RPSA2: variants seen among roughly 807,000 people sequenced by gnomAD.
RPSA2 encodes ribosomal protein SA 2.
At chr19:23,825,055 T>C in the RPSA2 span, among the ~76,000 whole-genome samples, 1 of 151,876 alleles carries the variant, frequency 6.6e-6, no homozygotes. Flanking sequence ...TCTCAGCTCA[T>C]GGCAAACTCT....
At chr19:23,789,042 C>T in the RPSA2 span, among the ~76,000 whole-genome samples, 5 of 22,004 alleles carry the variant, frequency 2.3e-4, no homozygotes, top group African/African-American at 3.8e-4. Context: ...TTTTTGACAG[C>T]CAGGTTGGAG....
chr19:23,847,442 G>T, the RPSA2 span, among the ~76,000 whole-genome samples: 103 of 152,216 alleles, frequency 6.8e-4, no homozygotes, highest in Non-Finnish European at 1.1e-3. Context: ...GGCTGCCGGG[G>T]GTGACATCAC....
chr19:23,870,890 G>A, the RPSA2 span, among the ~76,000 whole-genome samples: 2 of 152,186 alleles, frequency 1.3e-5, no homozygotes, highest in Admixed American at 1.3e-4. Context: ...CATGAATGCA[G>A]AATGTGGGCA....
chr19:23,860,957 T>G, the RPSA2 span, among the ~76,000 whole-genome samples: 1 of 152,076 alleles, frequency 6.6e-6, no homozygotes, highest in Non-Finnish European at 1.5e-5. Context: ...TCAAACACAC[T>G]CAAAGGAGAC....
the RPSA2 span, among the ~76,000 whole-genome samples, chr19:23,863,138 G>C: frequency 8.7e-3 from 1,325 of 152,268 alleles, 15 homozygotes; most frequent in Non-Finnish European, 0.014. Context: ...AGGTAGAAGA[G>C]AAATAGAAAC....
At chr19:23,848,242 T>C in the RPSA2 span, among the ~76,000 whole-genome samples, 1 of 152,328 alleles carries the variant, frequency 6.6e-6, no homozygotes, top group East Asian at 1.9e-4. Context: ...CTGCCGTGGC[T>C]CCAGCCGGTC....
chr19:23,858,132 C>G, the RPSA2 span, among the ~76,000 whole-genome samples: 1 of 150,428 alleles, frequency 6.6e-6, no homozygotes, highest in Non-Finnish European at 1.5e-5. Context: ...ACATGTTTTA[C>G]TGGTTTAGGA....
chr19:23,833,643 G>T, the RPSA2 span, among the ~76,000 whole-genome samples: 1 of 151,956 alleles, frequency 6.6e-6, no homozygotes, highest in Non-Finnish European at 1.5e-5. Context: ...GAACAAATGT[G>T]CAAATATAAA....
chr19:23,789,220 C>T, the RPSA2 span, among the ~76,000 whole-genome samples: 7 of 151,930 alleles, frequency 4.6e-5, no homozygotes, highest in Non-Finnish European at 7.4e-5. Flanking sequence ...AGTGTGGTCT[C>T]GAACTCCTGA....
the RPSA2 span, among the ~76,000 whole-genome samples, chr19:23,851,905 G>A: frequency 5.0e-4 from 76 of 152,312 alleles, no homozygotes; most frequent in Non-Finnish European, 9.3e-4. Context: ...ATGTTGAGAA[G>A]CGGCCTGAAC....
chr19:23,791,853 C>T, the RPSA2 span, among the ~76,000 whole-genome samples: 2 of 151,512 alleles, frequency 1.3e-5, no homozygotes, highest in Non-Finnish European at 2.9e-5. Context: ...AATTATCCTG[C>T]CTCAGTCTCC....
the RPSA2 span, among the ~76,000 whole-genome samples, chr19:23,859,735 T>C: frequency 6.6e-6 from 1 of 152,232 alleles, no homozygotes; most frequent in African/African-American, 2.4e-5. Context: ...ATTACAGTAA[T>C]CGTTTGTCCA....
At chr19:23,797,697 T>C in the RPSA2 span, among the ~76,000 whole-genome samples, 2 of 152,188 alleles carry the variant, frequency 1.3e-5, no homozygotes, top group Non-Finnish European at 2.9e-5. Flanking sequence ...TCTCCCACTA[T>C]TGTTGTGTCA....
At chr19:23,808,878 C>T in the RPSA2 span, 3 of 425,126 alleles carry the variant, frequency 7.1e-6, no homozygotes, top group Non-Finnish European at 1.3e-5. Context: ...GAAAGCAAGT[C>T]TTTAAAGTGA....
chr19:23,766,781 G>A, the RPSA2 span, among the ~76,000 whole-genome samples: 2 of 146,986 alleles, frequency 1.4e-5, no homozygotes, highest in African/African-American at 5.0e-5. Context: ...TTTTTGAGAC[G>A]GAGTTTCGCT....
the RPSA2 span, among the ~76,000 whole-genome samples, chr19:23,856,325 C>T: frequency 6.6e-6 from 1 of 152,078 alleles, no homozygotes. Flanking sequence ...TCTAACGTTC[C>T]CTTTTCAGGA....
the RPSA2 span, among the ~76,000 whole-genome samples, chr19:23,850,203 C>G: frequency 2.0e-5 from 3 of 149,698 alleles, no homozygotes; most frequent in African/African-American, 7.4e-5. Context: ...GATGAGAGGT[C>G]AAATAAGTGG....
At chr19:23,789,052 G>C in the RPSA2 span, among the ~76,000 whole-genome samples, 1 of 115,628 alleles carries the variant, frequency 8.6e-6, no homozygotes, top group Admixed American at 1.1e-4. Flanking sequence ...CCAGGTTGGA[G>C]TGCAGTGATG....
the RPSA2 span, among the ~76,000 whole-genome samples, chr19:23,761,927 T>TCC: frequency 5.6e-4 from 35 of 62,386 alleles, 1 homozygote; most frequent in East Asian, 2.4e-3. Context: ...TTTCTTTTTT[T>TCC]TTTTTTTTGA....
Sources: gnomAD v4.1 joint callset for allele counts (sites outside exome capture counted in the v4.1 genomes callset) on GRCh38, gnomAD v4.1.1 for gene constraint, MANE v1.5 for transcripts, NCBI Gene and HGNC (gene_info 2026-07-23, HGNC 2026-07-21) for gene names.